The following SUV39H1 variants were observed in gnomAD, a reference collection of about 807,000 sequenced individuals.
SUV39H1 encodes histone-lysine N-methyltransferase SUV39H1.
For missense variants in SUV39H1, 180 were observed against 386.3 expected (o/e 0.47, Z 4.48); for synonymous variants, 141 against 150.5 (o/e 0.94, Z 0.46).
At chrX:48,705,230 G>C (rs990669728) in intron 3 of SUV39H1, 5 of 112,400 alleles carry the variant, frequency 4.4e-5, no homozygotes, top group African/African-American at 1.6e-4. Flanking sequence ...TGGCGGGGGA[G>C]TACTGGAGCT....
At position 48,696,734 on chromosome X, in the gene SUV39H1, G is replaced by C; in HGVS notation, c.-51G>C. The C allele has an allele frequency of 8.8e-7, 1 of 1,130,223 alleles. No homozygotes were observed. Among genetic ancestry groups the C allele is most frequent in the Non-Finnish European group, 1.2e-6 (1 of 854,810 alleles). The allele number at this position is 1,130,223 out of a possible 1,213,427, so 93.1% of individuals were successfully genotyped here. On this transcript the variant is annotated 5_prime_UTR_variant, in exon 1 of 6. Coordinates refer to ENST00000376687, the MANE Select transcript of SUV39H1 (RefSeq NM_003173.4). ...CGTTCCCGGCCACGCCCGCGCGAGC[G>C]CTCTTCTCGCGAGGCCGGCTAGGCC... is the stretch of plus-strand genomic sequence containing the variant.
At chrX:48,697,274 G>T (rs991620629) in intron 1 of SUV39H1, among the ~76,000 whole-genome samples, 3 of 112,034 alleles carry the variant, frequency 2.7e-5, no homozygotes, top group African/African-American at 9.7e-5. Context: ...TGGGGGAAGG[G>T]TTTGGAATAG....
At chrX:48,695,773 C>T (rs2062452469), upstream of SUV39H1, 17 of 1,155,755 alleles carry the variant, frequency 1.5e-5, no homozygotes, top group Non-Finnish European at 1.9e-5. Context: ...ACTGTCTGCC[C>T]TGATAGAATC....
At chrX:48,698,775 C>T in intron 1 of SUV39H1, 127 bp from the exon 2 acceptor site, 1 of 831,507 alleles carries the variant, frequency 1.2e-6, no homozygotes, top group Non-Finnish European at 1.6e-6. Context: ...TGGGGAAGGC[C>T]TGTGGATTAA....
chrX:48,707,091 C>T (rs1187604698), intron 5 of SUV39H1, among the ~76,000 whole-genome samples: 1 of 109,577 alleles, frequency 9.1e-6, no homozygotes, highest in African/African-American at 3.3e-5. Flanking sequence ...GCCCAGGTGG[C>T]CCTCTATTCC....
upstream of SUV39H1, chrX:48,695,780 A>C: frequency 8.7e-7 from 1 of 1,155,808 alleles, no homozygotes. Flanking sequence ...GCCCTGATAG[A>C]ATCTCAGCTT....
upstream of SUV39H1, chrX:48,696,678 G>C (rs1039016701): frequency 2.9e-5 from 30 of 1,047,046 alleles, no homozygotes; most frequent in Non-Finnish European, 3.6e-5. Flanking sequence ...CGCGGGTGCT[G>C]CGAGTCGGGA....
chrX:48,696,929 A>C (rs1337457882), intron 1 of SUV39H1, 126 bp downstream of exon 1: 6 of 436,684 alleles, frequency 1.4e-5, no homozygotes, highest in South Asian at 7.6e-5. Context: ...TCGGCGCGGA[A>C]AGGATGAGGC....
chrX:48,696,679 C>T, upstream of SUV39H1: 1 of 1,046,395 alleles, frequency 9.6e-7, no homozygotes, highest in Non-Finnish European at 1.3e-6. Context: ...GCGGGTGCTG[C>T]GAGTCGGGAG....
intron 3 of SUV39H1, 103 bp downstream of exon 3, chrX:48,700,856 CT>C: frequency 2.9e-6 from 3 of 1,019,645 alleles, no homozygotes; most frequent in Non-Finnish European, 4.0e-6. Flanking sequence ...CCTGCTTTCC[CT>C]ATGGGAAAGG....
rs782243856 is a variant in SUV39H1, at chrX:48,707,422, G to A, written c.1106-15G>A. On this transcript the variant is annotated splice_polypyrimidine_tract_variant and intron_variant, in intron 5 of 5. Coordinates refer to ENST00000376687, the MANE Select transcript of SUV39H1 (RefSeq NM_003173.4). ...GCCTCCTTCCCTCCTCTCCTCCCTGGCTGTGACTCCACAGTGGACCCCGTG... is the reference window on the plus strand; with the variant it reads ...GCCTCCTTCCCTCCTCTCCTCCCTGACTGTGACTCCACAGTGGACCCCGTG... The A allele has an allele frequency of 4.1e-6, 5 of 1,206,046 alleles. No individual in the cohort carries two copies. Among genetic ancestry groups the A allele is most frequent in the Admixed American group, 2.2e-5 (1 of 45,664 alleles).
intron 1 of SUV39H1, 112 bp downstream of exon 1, chrX:48,696,915 A>C (rs1195868981): frequency 1.8e-6 from 1 of 552,676 alleles, no homozygotes; most frequent in Non-Finnish European, 2.5e-6. Flanking sequence ...CGGGAGCCGG[A>C]AGCTCGGCGC....
In SUV39H1 at chrX:48,707,860, T is replaced by A; in HGVS notation, c.*290T>A. On this transcript the variant is annotated 3_prime_UTR_variant, in exon 6 of 6. Coordinates refer to ENST00000376687, the MANE Select transcript of SUV39H1 (RefSeq NM_003173.4). ...TCTGTCGTTGGGATTCATGGCCTATTAAGGAGGTCCAAGGGGTGAGTCCCA... is the reference window on the plus strand; with the variant it reads ...TCTGTCGTTGGGATTCATGGCCTATAAAGGAGGTCCAAGGGGTGAGTCCCA... 2.6e-6 allele frequency: 1 copy of A among 388,296 alleles called. No individual in the cohort carries two copies. Among genetic ancestry groups the A allele is most frequent in the Non-Finnish European group, 4.8e-6 (1 of 209,364 alleles). The allele number at this position is 388,296 out of a possible 1,213,427, so 32.0% of individuals were successfully genotyped here. A position where few individuals can be genotyped will look rare whatever the true frequency, so the allele number is the denominator to read the frequency against.
At chrX:48,696,921 G>A (rs1261412462) in intron 1 of SUV39H1, 118 bp downstream of exon 1, 3 of 504,990 alleles carry the variant, frequency 5.9e-6, no homozygotes, top group East Asian at 1.2e-4. Flanking sequence ...CCGGAAGCTC[G>A]GCGCGGAAAG....
At chrX:48,696,956 T>C (rs1324168794) in intron 1 of SUV39H1, among the ~76,000 whole-genome samples, 153 bp downstream of exon 1, 1 of 90,037 alleles carries the variant, frequency 1.1e-5, no homozygotes, top group Non-Finnish European at 2.2e-5. Flanking sequence ...AGCGCGGGCC[T>C]GGTGCGCGGG....
chrX:48,699,430 A>C (rs1471285140), intron 2 of SUV39H1, among the ~76,000 whole-genome samples: 6 of 111,495 alleles, frequency 5.4e-5, no homozygotes, highest in Non-Finnish European at 1.1e-4. Context: ...AGTTATTGCC[A>C]GAAGGGGGAG....
chrX:48,696,767 C>T lies in SUV39H1; in HGVS notation c.-18C>T, dbSNP rs781864589. 6.7e-5 allele frequency: 76 copies of T among 1,138,465 alleles called. No homozygotes were observed. Among genetic ancestry groups the T allele is most frequent in the Non-Finnish European group, 8.8e-5 (76 of 860,725 alleles). 93.8% of individuals were successfully genotyped at this position (1,138,465 alleles called of 1,213,427 possible). On this transcript the variant is annotated 5_prime_UTR_variant, in exon 1 of 6. Coordinates refer to ENST00000376687, the MANE Select transcript of SUV39H1 (RefSeq NM_003173.4). Reference sequence around the variant, plus strand: ...CGCGAGGCCGGCTAGGCCCGAATGTCGTTAGCCGTGGGGAAAGATGGCGGA... The same window carrying T: ...CGCGAGGCCGGCTAGGCCCGAATGTTGTTAGCCGTGGGGAAAGATGGCGGA...
rs2062494915 is a variant in SUV39H1 at position 48,707,493 on chromosome X, C to T, written c.1162C>T (p.Leu388Phe). 1.7e-6 allele frequency: 2 copies of T among 1,208,988 alleles called. No homozygotes were observed. The highest frequency in any genetic ancestry group is 1.8e-5 in the African/African-American group (1 of 56,863). ...GGACTCCAACTTTGGCCTGGCTGGG[C>T]TCCCTGGCTCCCCTAAGAAGCGGGT... ...RMDSNFGLAG[L>F]PGSPKKRVRI... Residue 388 changes from leucine to phenylalanine, a missense_variant, in exon 6 of 6, where the codon CTC becomes TTC. Transcript: ENST00000376687.
intron 3 of SUV39H1, chrX:48,700,987 T>C: frequency 1.3e-5 from 6 of 468,969 alleles, no homozygotes; most frequent in Non-Finnish European, 1.9e-5. Flanking sequence ...CTGCACTGGG[T>C]TGACTTTATC....
Sources: allele counts gnomAD v4.1 joint callset (sites outside exome capture counted in the v4.1 genomes callset), GRCh38; gene constraint gnomAD v4.1.1; transcripts MANE v1.5; gene names NCBI Gene and HGNC (gene_info 2026-07-23, HGNC 2026-07-21).